CSMD1: variants seen among roughly 807,000 people sequenced by gnomAD.
The protein encoded by CSMD1 is CUB and sushi domain-containing protein 1.
Under a neutral mutation model 417.5 loss-of-function variants are expected in CSMD1, and 213 were observed. That is an observed-to-expected ratio of 0.51 (90% CI 0.46 to 0.57). The LOEUF (loss-of-function observed/expected upper bound fraction) is 0.57. Ranked by LOEUF, CSMD1 falls within the 20% of genes least tolerant of loss-of-function variation. CSMD1 has a pLI of 0.00. For synonymous variants in CSMD1, 2,862 were observed against 1,736.8 expected (o/e 1.65, Z -16.11); for missense variants, 6,923 against 4,529.7 (o/e 1.53, Z -15.17).
chr8:3,445,666 G>A (rs980552207), intron 12 of CSMD1, among the ~76,000 whole-genome samples: 4 of 152,234 alleles, frequency 2.6e-5, no homozygotes, highest in South Asian at 2.1e-4. Flanking sequence ...GTAGAAATAC[G>A]TCGGAACTAG....
intron 1 of CSMD1, among the ~76,000 whole-genome samples, chr8:4,962,836 C>A (rs776558140): frequency 1.3e-5 from 2 of 152,126 alleles, no homozygotes; most frequent in Non-Finnish European, 2.9e-5. Context: ...ATTTTTAGAC[C>A]TCTTTTGTGC....
At chr8:4,918,466 C>T (rs113803647) in intron 1 of CSMD1, among the ~76,000 whole-genome samples, 9 of 152,180 alleles carry the variant, frequency 5.9e-5, no homozygotes, top group African/African-American at 1.7e-4. Context: ...TACCCATTTT[C>T]TAACTTTCTG....
At chr8:4,981,376 T>A (rs943363261) in intron 1 of CSMD1, among the ~76,000 whole-genome samples, 2 of 152,184 alleles carry the variant, frequency 1.3e-5, no homozygotes, top group Non-Finnish European at 2.9e-5. Context: ...AGAATTTGAC[T>A]GATAGGACCG....
Position 4,023,652 on chromosome 8 carries a change from T to C in CSMD1, c.610+8253A>G, listed in dbSNP as rs564111613. ...CCCAGGCTAGAGTGCAGTGGCGCGA[T>C]CTCGGCTCACTGCAAGCTCCGCCTC... is the stretch of plus-strand genomic sequence containing the variant. On this transcript the variant is annotated intron_variant, in intron 4 of 69. Transcript: ENST00000635120. Among the ~76,000 whole-genome samples the C allele has an allele frequency of 2.0e-5, 3 of 150,176 alleles. No homozygotes were observed. The South Asian group carries it at 6.3e-4, about 32-fold the overall frequency.
chr8:4,196,023 A>G (rs1354760331), intron 3 of CSMD1, among the ~76,000 whole-genome samples: 1 of 152,016 alleles, frequency 6.6e-6, no homozygotes. Flanking sequence ...CATCCTGGCT[A>G]ACACAGTGAA....
intron 3 of CSMD1, among the ~76,000 whole-genome samples, chr8:4,393,265 C>A (rs1327774156): frequency 6.6e-6 from 1 of 152,132 alleles, no homozygotes; most frequent in African/African-American, 2.4e-5. Flanking sequence ...CGTGAGCCAC[C>A]CCACCTGGCC....
intron 2 of CSMD1, among the ~76,000 whole-genome samples, chr8:4,462,061 G>A (rs1325222006): frequency 6.6e-6 from 1 of 151,560 alleles, no homozygotes. Flanking sequence ...TTTTTATAGG[G>A]ATGAAGTCTC....
At chr8:4,455,923 C>T (rs1367863033) in intron 2 of CSMD1, among the ~76,000 whole-genome samples, 3 of 21,478 alleles carry the variant, frequency 1.4e-4, no homozygotes, top group Non-Finnish European at 1.7e-4. Flanking sequence ...AGTGAGACTC[C>T]AACTCCAAAA....
chr8:3,173,343 G>A (rs1326569284), intron 37 of CSMD1, among the ~76,000 whole-genome samples: 2 of 152,154 alleles, frequency 1.3e-5, no homozygotes, highest in East Asian at 1.9e-4. Flanking sequence ...ACAGAAGCCA[G>A]AATTTACATT....
intron 1 of CSMD1, among the ~76,000 whole-genome samples, chr8:4,879,971 G>A (rs1206803969): frequency 6.6e-6 from 1 of 152,054 alleles, no homozygotes; most frequent in Non-Finnish European, 1.5e-5. Context: ...CATTCCCTTT[G>A]TTGTAAAAGC....
chr8:4,032,826 A>C (rs1413206480), intron 3 of CSMD1, among the ~76,000 whole-genome samples: 1 of 152,200 alleles, frequency 6.6e-6, no homozygotes, highest in East Asian at 1.9e-4. Flanking sequence ...ATCTGAATGG[A>C]CACATCCTCT....
chr8:4,537,015 G>C (rs541038781), intron 2 of CSMD1, among the ~76,000 whole-genome samples: 1 of 151,994 alleles, frequency 6.6e-6, no homozygotes, highest in Non-Finnish European at 1.5e-5. Flanking sequence ...ATTTGAGCAC[G>C]GTCTTATATT....
At chr8:4,759,487 G>T (rs1212876067) in intron 1 of CSMD1, among the ~76,000 whole-genome samples, 1 of 152,176 alleles carries the variant, frequency 6.6e-6, no homozygotes, top group Admixed American at 6.5e-5. Flanking sequence ...ATGCTGGTTT[G>T]CTGCACCTAT....
intron 2 of CSMD1, among the ~76,000 whole-genome samples, chr8:4,619,735 G>A (rs1801664784): frequency 1.3e-5 from 2 of 152,072 alleles, no homozygotes; most frequent in African/African-American, 4.8e-5. Context: ...TGTGTTCTTT[G>A]TTTTCTGAAG....
chr8:4,647,154 T>C (rs556650355), intron 1 of CSMD1, among the ~76,000 whole-genome samples: 6 of 152,206 alleles, frequency 3.9e-5, no homozygotes, highest in African/African-American at 1.4e-4. Context: ...CACAAATGGG[T>C]TCATATCCAT....
At chr8:3,863,820 GAA>G (rs547694503) in intron 5 of CSMD1, among the ~76,000 whole-genome samples, 3,557 of 148,634 alleles carry the variant, frequency 0.024, 58 homozygotes, top group Middle Eastern at 0.057. Context: ...TATTCATGAC[GAA>G]AAAAAAAATC....
At chr8:2,968,692 A>G (rs530732317) in intron 57 of CSMD1, among the ~76,000 whole-genome samples, 1 of 152,312 alleles carries the variant, frequency 6.6e-6, no homozygotes, top group East Asian at 1.9e-4. Context: ...ATTATGTAAA[A>G]TTATAAGACA....
In CSMD1 at chr8:4,490,126, T is replaced by A. The variant is rs1821880; in HGVS notation, c.303-70061A>T. Among the ~76,000 whole-genome samples the A allele has an allele frequency of 3.0e-4, 45 of 150,470 alleles. 1 individual carries two copies. In the South Asian group the frequency reaches 9.6e-3, roughly 32 times the overall value. On this transcript the variant is annotated intron_variant, in intron 2 of 69. Coordinates refer to ENST00000635120, the MANE Select transcript of CSMD1 (RefSeq NM_033225.6). ...CAGGATCTTGGCTAACTGCAACCTC[T>A]GCCTCCTGAGTTCAAGTGATTCTCC...
At chr8:4,394,822 G>A (rs915429478) in intron 3 of CSMD1, among the ~76,000 whole-genome samples, 5 of 152,066 alleles carry the variant, frequency 3.3e-5, no homozygotes, top group African/African-American at 1.2e-4. Flanking sequence ...TAAATTTCTG[G>A]ATTTTTTCAT....
Sources: gnomAD v4.1 joint callset for allele counts (sites outside exome capture counted in the v4.1 genomes callset) on GRCh38, gnomAD v4.1.1 for gene constraint, MANE v1.5 for transcripts, NCBI Gene and HGNC (gene_info 2026-07-23, HGNC 2026-07-21) for gene names.